Variants in METTL6 observed in about 807,000 individuals in gnomAD.
The protein encoded by METTL6 is methyltransferase 6, tRNA N3-cytidine.
Under a neutral mutation model 26.4 loss-of-function variants are expected in METTL6, and 22 were observed. The observed-to-expected ratio is 0.83, with a 90% CI of 0.59 to 1.19. The LOEUF is 1.19. METTL6 is among the 50% of genes most tolerant of loss of function. The pLI, the probability that METTL6 is intolerant of heterozygous loss-of-function variation, is 0.00. For missense variants in METTL6, 304 were observed against 324.8 expected (o/e 0.94, Z 0.49); for synonymous variants, 109 against 116.2 (o/e 0.94, Z 0.40).
chr3:15,392,814 T>C (rs1324036049), intron 6 of METTL6, among the ~76,000 whole-genome samples: 5 of 152,168 alleles, frequency 3.3e-5, no homozygotes, highest in Non-Finnish European at 5.9e-5. Flanking sequence ...TGTAGATATG[T>C]GGCATTATTT....
intron 3 of METTL6, among the ~76,000 whole-genome samples, chr3:15,421,862 A>G (rs1193639430): frequency 1.3e-5 from 2 of 152,222 alleles, no homozygotes; most frequent in Non-Finnish European, 2.9e-5. Flanking sequence ...CAGTGAGCCG[A>G]GATCGTGCCA....
chr3:15,406,760 C>T (rs866462888), downstream of METTL6, among the ~76,000 whole-genome samples: 18 of 151,038 alleles, frequency 1.2e-4, no homozygotes, highest in Middle Eastern at 3.4e-3. Flanking sequence ...CTCAGCTTCT[C>T]GAGTAGCTGA....
chr3:15,392,890 C>G (rs978431613), intron 6 of METTL6, among the ~76,000 whole-genome samples: 4 of 152,118 alleles, frequency 2.6e-5, no homozygotes, highest in Admixed American at 6.6e-5. Flanking sequence ...TGCTGTTTTG[C>G]TTACTGTAGC....
chr3:15,406,038 C>T (rs1286359368), downstream of METTL6, among the ~76,000 whole-genome samples: 3 of 151,846 alleles, frequency 2.0e-5, no homozygotes, highest in African/African-American at 7.3e-5. Context: ...CGCACACACA[C>T]ATCACTATAC....
At chr3:15,401,045 C>CT (rs369602192) in intron 6 of METTL6, among the ~76,000 whole-genome samples, 1,585 of 144,784 alleles carry the variant, frequency 0.011, 18 homozygotes, top group Middle Eastern at 0.018. Flanking sequence ...GTATTTTCTT[C>CT]TTTTTTTTTT....
chr3:15,389,884 C>G (rs1406040158), intron 6 of METTL6, among the ~76,000 whole-genome samples: 2 of 140,778 alleles, frequency 1.4e-5, no homozygotes, highest in Non-Finnish European at 3.0e-5. Flanking sequence ...GAGAAAGAAT[C>G]TTACTCTGTC....
Position 15,398,080 on chromosome 3 carries a change from A to G in METTL6, c.*11+13165T>C, listed in dbSNP as rs527566048. ...CCACCCCCACCCTTTCCCCCAAACTACCTTTGAAAAACTCCTAACCTTTAA... is the reference window on the plus strand; with the variant it reads ...CCACCCCCACCCTTTCCCCCAAACTGCCTTTGAAAAACTCCTAACCTTTAA... On this transcript the variant is annotated intron_variant, in intron 6 of 6. Coordinates refer to the METTL6 transcript ENST00000443029. Among the ~76,000 whole-genome samples, 11 of 150,886 alleles carry G rather than the reference A, an allele frequency of 7.3e-5. No homozygotes were observed. In the South Asian group the frequency reaches 2.3e-3, roughly 32 times the overall value.
chr3:15,397,337 G>A (rs539086626), intron 6 of METTL6, among the ~76,000 whole-genome samples: 111 of 152,322 alleles, frequency 7.3e-4, no homozygotes, highest in African/African-American at 2.5e-3. Context: ...TCGGAAAAGC[G>A]CAGTAGTAGG....
chr3:15,415,486 A>G, intron 4 of METTL6: 1 of 1,585,684 alleles, frequency 6.3e-7, no homozygotes, highest in Non-Finnish European at 8.5e-7. Flanking sequence ...ACTAAACCAT[A>G]ACTCCTCTCA....
downstream of METTL6, among the ~76,000 whole-genome samples, chr3:15,405,240 C>T (rs184076864): frequency 8.5e-5 from 13 of 152,326 alleles, no homozygotes; most frequent in Admixed American, 3.3e-4. Flanking sequence ...GCCTTGCAGA[C>T]GCCTTTCGAG....
At chr3:15,425,398 C>T (rs1283534741) in intron 2 of METTL6, among the ~76,000 whole-genome samples, 1 of 152,170 alleles carries the variant, frequency 6.6e-6, no homozygotes, top group African/African-American at 2.4e-5. Flanking sequence ...CTCAATTTTA[C>T]CTTGGGGACA....
chr3:15,400,568 G>A (rs1699613144), intron 6 of METTL6, among the ~76,000 whole-genome samples: 1 of 152,136 alleles, frequency 6.6e-6, no homozygotes, highest in South Asian at 2.1e-4. Context: ...CTCATGGTGG[G>A]TAGGAATCTC....
chr3:15,406,624 A>G (rs1311861193), downstream of METTL6, among the ~76,000 whole-genome samples: 8 of 99,444 alleles, frequency 8.0e-5, no homozygotes, highest in Admixed American at 4.5e-4. Flanking sequence ...ATATATATAT[A>G]TATATAGAGA....
downstream of METTL6, among the ~76,000 whole-genome samples, chr3:15,406,378 A>T (rs1034341563): frequency 1.3e-5 from 2 of 151,630 alleles, no homozygotes; most frequent in African/African-American, 4.8e-5. Context: ...ACAAGAACCT[A>T]GAGGCAATGA....
intron 5 of METTL6, among the ~76,000 whole-genome samples, chr3:15,411,755 T>C (rs1699974194): frequency 6.6e-6 from 1 of 152,032 alleles, no homozygotes; most frequent in Non-Finnish European, 1.5e-5. Context: ...ATTCCTTTTT[T>C]TTTTTAATTA....
At chr3:15,400,991 T>C (rs951034630) in intron 6 of METTL6, among the ~76,000 whole-genome samples, 11 of 152,028 alleles carry the variant, frequency 7.2e-5, no homozygotes, top group Admixed American at 1.3e-4. Context: ...GCTTCCTGAA[T>C]AGCTGGGACT....
chr3:15,395,369 C>T (rs569041496), intron 6 of METTL6, among the ~76,000 whole-genome samples: 108 of 152,234 alleles, frequency 7.1e-4, no homozygotes, highest in African/African-American at 2.5e-3. Context: ...TTCCTCCATC[C>T]CTTTACTTTG....
intron 3 of METTL6, among the ~76,000 whole-genome samples, chr3:15,417,928 CAGAT>C (rs1474076348): frequency 2.0e-5 from 3 of 152,168 alleles, no homozygotes; most frequent in African/African-American, 7.2e-5. Flanking sequence ...AGAGCCACAA[CAGAT>C]AGACTCTTTG....
At chr3:15,392,217 T>C (rs1323346477) in intron 6 of METTL6, among the ~76,000 whole-genome samples, 1 of 152,208 alleles carries the variant, frequency 6.6e-6, no homozygotes, top group Non-Finnish European at 1.5e-5. Context: ...GGTATCTCAT[T>C]GTGGTTTTGA....
Sources: gnomAD v4.1 joint callset for allele counts (sites outside exome capture counted in the v4.1 genomes callset) on GRCh38, gnomAD v4.1.1 for gene constraint, MANE v1.5 for transcripts, NCBI Gene and HGNC (gene_info 2026-07-23, HGNC 2026-07-21) for gene names.